The following SOBP variants were observed in gnomAD, a reference collection of about 807,000 sequenced individuals.
SOBP encodes the protein sine oculis binding protein homolog, also known as sine oculis-binding protein homolog.
A neutral mutation model predicts 53.6 loss-of-function variants in SOBP; 4 were observed. The observed-to-expected ratio is 0.07, with a 90% CI of 0.04 to 0.17. The LOEUF (loss-of-function observed/expected upper bound fraction) is 0.17, where lower values mean the gene tolerates loss of function less well. Ranked by LOEUF, SOBP falls within the 10% of genes least tolerant of loss-of-function variation. The pLI, the probability that SOBP is intolerant of heterozygous loss-of-function variation, is 1.00. For synonymous variants in SOBP, 584 were observed against 522.6 expected (o/e 1.12, Z -1.60); for missense variants, 1,088 against 1,204.7 (o/e 0.90, Z 1.43).
chr6:107,557,577 G>A (rs754277866), intron 4 of SOBP, among the ~76,000 whole-genome samples: 54 of 152,186 alleles, frequency 3.5e-4, no homozygotes, highest in Non-Finnish European at 4.6e-4. Context: ...CAAGTGTTTG[G>A]AAAGTTACTA....
intron 4 of SOBP, among the ~76,000 whole-genome samples, chr6:107,565,412 T>G (rs1784885950): frequency 6.6e-6 from 1 of 151,604 alleles, no homozygotes; most frequent in African/African-American, 2.4e-5. Flanking sequence ...TCTACGTTGC[T>G]CCACCTCTTC....
At chr6:107,602,998 A>G (rs1372353542) in intron 5 of SOBP, among the ~76,000 whole-genome samples, 1 of 151,488 alleles carries the variant, frequency 6.6e-6, no homozygotes, top group Admixed American at 6.6e-5. Flanking sequence ...TGCTTCCATT[A>G]TCTGTTTACT....
chr6:107,490,561 C>G lies in SOBP; in HGVS notation c.-56C>G, dbSNP rs1055946093. On this transcript the variant is annotated 5_prime_UTR_variant, in exon 1 of 7. Coordinates refer to ENST00000317357, the MANE Select transcript of SOBP (RefSeq NM_018013.4). ...TCCACCGCCGCCGCCGCCGCCACCACCACCGCCGGCGGCGGCAGCAGCCAT... is the reference window on the plus strand; with the variant it reads ...TCCACCGCCGCCGCCGCCGCCACCAGCACCGCCGGCGGCGGCAGCAGCCAT... 3 of 1,347,876 alleles carry G rather than the reference C, an allele frequency of 2.2e-6. No individual in the cohort carries two copies. Among genetic ancestry groups the G allele is most frequent in the African/African-American group, 3.0e-5 (2 of 67,590 alleles). The allele number at this position is 1,347,876 out of a possible 1,614,324, so 83.5% of individuals were successfully genotyped here.
At chr6:107,615,130 C>A (rs1786738879) in intron 5 of SOBP, among the ~76,000 whole-genome samples, 1 of 152,086 alleles carries the variant, frequency 6.6e-6, no homozygotes, top group East Asian at 1.9e-4. Flanking sequence ...CCCATGGGGA[C>A]TGTTTGTGTT....
intron 4 of SOBP, among the ~76,000 whole-genome samples, chr6:107,560,324 A>C (rs929831244): frequency 6.6e-6 from 1 of 152,068 alleles, no homozygotes; most frequent in African/African-American, 2.4e-5. Flanking sequence ...GAGAATTTTC[A>C]CAGGGGTCTG....
Position 107,561,537 on chromosome 6 carries a change from G to A in SOBP, c.574-25543G>A, listed in dbSNP as rs972717371. On this transcript the variant is annotated intron_variant, in intron 4 of 6. Transcript: ENST00000317357. Reference sequence around the variant, plus strand: ...AAGTCTGTCTGGGCTTGGCTGGGCCGGGCTGGGCTGGGCCATTTCTCTGGG... The same window carrying A: ...AAGTCTGTCTGGGCTTGGCTGGGCCAGGCTGGGCTGGGCCATTTCTCTGGG... Among the ~76,000 whole-genome samples, 16 of 152,248 alleles carry A rather than the reference G, an allele frequency of 1.1e-4. No homozygotes were observed. The East Asian group carries it at 2.9e-3, about 28-fold the overall frequency.
intron 3 of SOBP, among the ~76,000 whole-genome samples, chr6:107,525,798 C>T (rs991531579): frequency 1.3e-5 from 2 of 152,168 alleles, no homozygotes; most frequent in Non-Finnish European, 2.9e-5. Flanking sequence ...GCACTGAACA[C>T]ACAAGAGAGA....
At chr6:107,601,325 A>T (rs1786173836) in intron 5 of SOBP, among the ~76,000 whole-genome samples, 1 of 152,150 alleles carries the variant, frequency 6.6e-6, no homozygotes. Context: ...CCAATAGCCC[A>T]GGTTTGTTTC....
At chr6:107,505,149 T>G (rs910648355) in intron 2 of SOBP, among the ~76,000 whole-genome samples, 1 of 152,234 alleles carries the variant, frequency 6.6e-6, no homozygotes. Flanking sequence ...CTTCCCTGTT[T>G]CTTTCTCATT....
chr6:107,613,481 C>A (rs1786672974), intron 5 of SOBP, among the ~76,000 whole-genome samples: 1 of 152,096 alleles, frequency 6.6e-6, no homozygotes, highest in Non-Finnish European at 1.5e-5. Context: ...CCATGATTAC[C>A]TTGATATTAG....
intron 4 of SOBP, among the ~76,000 whole-genome samples, chr6:107,585,707 A>G (rs1329222215): frequency 1.3e-5 from 2 of 152,202 alleles, no homozygotes; most frequent in Non-Finnish European, 2.9e-5. Flanking sequence ...TAACCTAAAT[A>G]TTACTGACCA....
chr6:107,501,778 C>T (rs1380124744), intron 1 of SOBP, among the ~76,000 whole-genome samples: 2 of 152,104 alleles, frequency 1.3e-5, no homozygotes, highest in East Asian at 1.9e-4. Flanking sequence ...TTGAGTGGGG[C>T]AGTGTTCAAC....
At chr6:107,646,597 G>T (rs1771571936) in intron 6 of SOBP, among the ~76,000 whole-genome samples, 1 of 152,208 alleles carries the variant, frequency 6.6e-6, no homozygotes, top group African/African-American at 2.4e-5. Context: ...AGGCTCAGGG[G>T]GCTTGCTCTA....
At chr6:107,644,182 T>C (rs1489138738) in intron 6 of SOBP, among the ~76,000 whole-genome samples, 1 of 152,206 alleles carries the variant, frequency 6.6e-6, no homozygotes, top group Non-Finnish European at 1.5e-5. Context: ...CGCATGGCTG[T>C]AGTCCCAGCT....
At chr6:107,496,720 C>T (rs1782707489) in intron 1 of SOBP, among the ~76,000 whole-genome samples, 1 of 152,136 alleles carries the variant, frequency 6.6e-6, no homozygotes, top group Non-Finnish European at 1.5e-5. Flanking sequence ...GGGAATCTGG[C>T]CACCCTTACT....
At chr6:107,595,612 G>T (rs1192003002) in intron 5 of SOBP, among the ~76,000 whole-genome samples, 1 of 151,986 alleles carries the variant, frequency 6.6e-6, no homozygotes, top group African/African-American at 2.4e-5. Flanking sequence ...AGCAAAACCA[G>T]GAAATCAGAT....
At chr6:107,522,109 G>A (rs1783517902) in intron 3 of SOBP, among the ~76,000 whole-genome samples, 1 of 152,142 alleles carries the variant, frequency 6.6e-6, no homozygotes, top group Admixed American at 6.5e-5. Flanking sequence ...AAGGATTTTA[G>A]GGTTGTGAGG....
rs563976118 is a variant in SOBP, at chr6:107,495,991, G to GA, written c.96+5289dup. Among the ~76,000 whole-genome samples, 212 of 147,154 alleles carry GA rather than the reference G, an allele frequency of 1.4e-3. 1 individual carries two copies. The highest frequency in any genetic ancestry group is 9.0e-3 in the South Asian group (42 of 4,664). ...GAGGGGATATTACAGGTTAGAAGAG[G>GA]AAAAAAAAAACACGGAAGACTTTGT... On this transcript the variant is annotated intron_variant, in intron 1 of 6. Transcript: ENST00000317357.
chr6:107,504,887 A>T (rs913468029), intron 2 of SOBP, among the ~76,000 whole-genome samples: 5 of 152,246 alleles, frequency 3.3e-5, no homozygotes, highest in African/African-American at 1.2e-4. Flanking sequence ...TTTGTATTCT[A>T]TAAACTAATA....
Sources: gnomAD v4.1 joint callset for allele counts (sites outside exome capture counted in the v4.1 genomes callset) on GRCh38, gnomAD v4.1.1 for gene constraint, MANE v1.5 for transcripts, NCBI Gene and HGNC (gene_info 2026-07-23, HGNC 2026-07-21) for gene names.